Variants in NCAM2 observed in about 807,000 individuals in gnomAD.
NCAM2 encodes neural cell adhesion molecule 2.
Under a neutral mutation model 98.1 loss-of-function variants are expected in NCAM2, and 30 were observed. The ratio of observed to expected loss-of-function variants is 0.31; its 90% confidence interval spans 0.23 to 0.41. The LOEUF is 0.41. Ranked by LOEUF, NCAM2 falls within the 10% of genes least tolerant of loss-of-function variation. The probability of loss-of-function intolerance (pLI) is 1.00; values close to 1 mark genes in which losing one functional copy is unlikely to be tolerated. For missense variants in NCAM2, 867 were observed against 1,005.8 expected (o/e 0.86, Z 1.87); for synonymous variants, 368 against 342.4 (o/e 1.07, Z -0.83).
chr21:21,340,515 A>G (rs1477381923), intron 8 of NCAM2, among the ~76,000 whole-genome samples: 1 of 152,016 alleles, frequency 6.6e-6, no homozygotes, highest in African/African-American at 2.4e-5. Flanking sequence ...TAAAAAACAC[A>G]TCTTGTTTTA....
At chr21:21,265,625 T>G (rs1484254419) in intron 1 of NCAM2, among the ~76,000 whole-genome samples, 1 of 151,198 alleles carries the variant, frequency 6.6e-6, no homozygotes, top group Non-Finnish European at 1.5e-5. Flanking sequence ...AACATGGAGC[T>G]AGAGGCCATT....
intron 10 of NCAM2, among the ~76,000 whole-genome samples, chr21:21,414,937 T>A (rs2076959370): frequency 7.5e-6 from 1 of 133,684 alleles, no homozygotes; most frequent in Admixed American, 8.0e-5. Flanking sequence ...GCACGACTAG[T>A]TTGAAGGGAA....
intron 8 of NCAM2, among the ~76,000 whole-genome samples, chr21:21,366,344 A>T (rs1357216120): frequency 6.6e-6 from 1 of 152,110 alleles, no homozygotes; most frequent in Non-Finnish European, 1.5e-5. Flanking sequence ...AATTTGAACT[A>T]GATTAACTAT....
intron 8 of NCAM2, among the ~76,000 whole-genome samples, chr21:21,368,506 G>T (rs542808864): frequency 2.0e-5 from 3 of 151,918 alleles, no homozygotes; most frequent in African/African-American, 7.2e-5. Flanking sequence ...ATAAACAACA[G>T]AAATTTATTT....
At chr21:21,294,084 G>A (rs2073391178) in intron 5 of NCAM2, among the ~76,000 whole-genome samples, 1 of 151,338 alleles carries the variant, frequency 6.6e-6, no homozygotes, top group South Asian at 2.1e-4. Flanking sequence ...TGTGGTTGGT[G>A]CAAAAGTAAT....
intron 1 of NCAM2, among the ~76,000 whole-genome samples, chr21:21,248,498 A>G (rs575946543): frequency 6.6e-6 from 1 of 152,122 alleles, no homozygotes; most frequent in East Asian, 1.9e-4. Context: ...AAAGTCCATT[A>G]AGATTTATGA....
At chr21:21,253,423 G>A (rs756953340) in intron 1 of NCAM2, among the ~76,000 whole-genome samples, 4 of 152,074 alleles carry the variant, frequency 2.6e-5, no homozygotes, top group Non-Finnish European at 5.9e-5. Flanking sequence ...GGGCCTTTGG[G>A]AGGTGATTAG....
chr21:21,226,140 A>G (rs2070372761), intron 1 of NCAM2, among the ~76,000 whole-genome samples: 1 of 152,048 alleles, frequency 6.6e-6, no homozygotes, highest in South Asian at 2.1e-4. Context: ...GGAACAATAG[A>G]CACGGGATTT....
chr21:21,301,388 T>A (rs2073707875), intron 5 of NCAM2, among the ~76,000 whole-genome samples: 1 of 71,178 alleles, frequency 1.4e-5, no homozygotes, highest in Non-Finnish European at 2.5e-5. Context: ...TTTTCTATTT[T>A]TTTTTTTTAA....
intron 12 of NCAM2, among the ~76,000 whole-genome samples, chr21:21,444,948 T>A (rs776219256): frequency 2.6e-5 from 4 of 152,090 alleles, no homozygotes; most frequent in African/African-American, 4.8e-5. Context: ...GAGATCTTTC[T>A]AGCTTTCTGA....
intron 1 of NCAM2, among the ~76,000 whole-genome samples, chr21:21,210,865 G>T (rs553514832): frequency 6.6e-6 from 1 of 151,782 alleles, no homozygotes; most frequent in East Asian, 1.9e-4. Flanking sequence ...AGGCAGAGGA[G>T]GGGGAGAGTT....
At chr21:21,159,385 A>G (rs1445238603) in intron 1 of NCAM2, among the ~76,000 whole-genome samples, 2 of 151,820 alleles carry the variant, frequency 1.3e-5, no homozygotes, top group Non-Finnish European at 2.9e-5. Flanking sequence ...AGACAATCTC[A>G]TTCACTCAAA....
intron 15 of NCAM2, among the ~76,000 whole-genome samples, chr21:21,490,870 C>A (rs1986794911): frequency 6.6e-6 from 1 of 151,570 alleles, no homozygotes; most frequent in South Asian, 2.1e-4. Context: ...AACATAATAT[C>A]CAGCACTGTG....
chr21:21,304,565 A>T (rs747245574), intron 5 of NCAM2, among the ~76,000 whole-genome samples: 3 of 152,136 alleles, frequency 2.0e-5, no homozygotes, highest in African/African-American at 4.8e-5. Flanking sequence ...AAGTAGTTTT[A>T]ATATAGAATA....
At chr21:21,043,755 G>C (rs984855495) in intron 1 of NCAM2, among the ~76,000 whole-genome samples, 1 of 150,562 alleles carries the variant, frequency 6.6e-6, no homozygotes, top group African/African-American at 2.4e-5. Context: ...CTCGGTAGGC[G>C]TGACAGGAGA....
chr21:21,505,222 T>C (rs1035704012), intron 15 of NCAM2, among the ~76,000 whole-genome samples: 2 of 152,022 alleles, frequency 1.3e-5, no homozygotes, highest in Admixed American at 6.6e-5. Context: ...GGCTCCTATA[T>C]GGTTAAAAAA....
chr21:21,245,024 A>G (rs1169690078), intron 1 of NCAM2, among the ~76,000 whole-genome samples: 1 of 152,138 alleles, frequency 6.6e-6, no homozygotes, highest in Non-Finnish European at 1.5e-5. Flanking sequence ...TCAAGGGGGT[A>G]TACACACTCC....
intron 12 of NCAM2, among the ~76,000 whole-genome samples, chr21:21,452,945 T>TACTTTATATATTA (rs1569079491): frequency 1.1e-5 from 1 of 89,564 alleles, no homozygotes; most frequent in Non-Finnish European, 1.9e-5. Context: ...ATAATATAAT[T>TACTTTATATATTA]TATACTATAT....
chr21:21,096,909 A>T lies in NCAM2; in HGVS notation c.55+98291A>T, dbSNP rs968679425. Reference sequence around the variant, plus strand: ...TCTCATTTATGCCAATGTCAGCCTTAACCAATTTTCTCTGACTTTCTATCT... The same window carrying T: ...TCTCATTTATGCCAATGTCAGCCTTTACCAATTTTCTCTGACTTTCTATCT... On this transcript the variant is annotated intron_variant, in intron 1 of 17. Transcript: ENST00000400546. Among the ~76,000 whole-genome samples the T allele has an allele frequency of 8.6e-5, 13 of 151,818 alleles. No individual in the cohort carries two copies. The Admixed American group carries it at 8.6e-4, about 10-fold the overall frequency.
Sources: gnomAD v4.1 joint callset for allele counts (sites outside exome capture counted in the v4.1 genomes callset) on GRCh38, gnomAD v4.1.1 for gene constraint, MANE v1.5 for transcripts, NCBI Gene and HGNC (gene_info 2026-07-23, HGNC 2026-07-21) for gene names.